NOS1: variants seen among roughly 807,000 people sequenced by gnomAD.
NOS1 encodes nitric oxide synthase 1.
A neutral mutation model predicts 164.5 loss-of-function variants in NOS1; 51 were observed. The observed-to-expected ratio is 0.31, with a 90% CI of 0.25 to 0.39. The LOEUF is 0.39. NOS1 is among the 10% of genes least tolerant of loss of function. The pLI, the probability that NOS1 is intolerant of heterozygous loss-of-function variation, is 1.00. For synonymous variants in NOS1, 719 were observed against 745.8 expected, an observed-to-expected ratio of 0.96 and a Z score of 0.59; for missense variants, 1,362 against 1,885.6, an observed-to-expected ratio of 0.72 and a Z score of 5.14.
chr12:117,260,991 A>T (rs1871856424), intron 13 of NOS1, among the ~76,000 whole-genome samples: 1 of 151,550 alleles, frequency 6.6e-6, no homozygotes, highest in Non-Finnish European at 1.5e-5. Context: ...AACAAGGTGA[A>T]ACTCCGTCTC....
intron 1 of NOS1, among the ~76,000 whole-genome samples, chr12:117,340,654 T>C (rs1455764800): frequency 6.6e-6 from 1 of 152,066 alleles, no homozygotes; most frequent in Non-Finnish European, 1.5e-5. Flanking sequence ...CTCAGCCTCC[T>C]GAGTAGCTGG....
In NOS1 at chr12:117,214,196, A is replaced by G. The variant is rs1956569561; in HGVS notation, c.*1113T>C. ...GAAGCAGCAAGCCCGCTTTGGGGGA[A>G]TAAAAAAATAATAATCATATTGTTA... is the stretch of plus-strand genomic sequence containing the variant. On this transcript the variant is annotated 3_prime_UTR_variant, in exon 29 of 29. Transcript: ENST00000317775. 5.1e-6 allele frequency: 5 copies of G among 985,286 alleles called. No homozygotes were observed. In the South Asian group the frequency reaches 1.9e-4, roughly 37 times the overall value. The allele number at this position is 985,286 out of a possible 1,614,324, so 61.0% of individuals were successfully genotyped here. A position where few individuals can be genotyped will look rare whatever the true frequency, so the allele number is the denominator to read the frequency against.
At chr12:117,347,516 AT>A (rs1438156477) in intron 1 of NOS1, among the ~76,000 whole-genome samples, 1 of 152,028 alleles carries the variant, frequency 6.6e-6, no homozygotes, top group African/African-American at 2.4e-5. Flanking sequence ...CCCGTCATTC[AT>A]TTGTTTCTTG....
At chr12:117,340,873 AT>A (rs56322341) in intron 1 of NOS1, among the ~76,000 whole-genome samples, 3,495 of 104,352 alleles carry the variant, frequency 0.033, 58 homozygotes, top group African/African-American at 0.11. Flanking sequence ...ACACCTGGCT[AT>A]TTTTTTTTTT....
chr12:117,277,428 C>T (rs4766841), intron 9 of NOS1, among the ~76,000 whole-genome samples: 125,529 of 151,314 alleles, frequency 0.83, 52,164 homozygotes, highest in African/African-American at 0.89. Context: ...CTACTAAAAA[C>T]ACAAAAATTG....
At chr12:117,348,190 T>G (rs1190491455) in intron 1 of NOS1, 1 of 151,892 alleles carries the variant, frequency 6.6e-6, no homozygotes, top group Non-Finnish European at 1.5e-5. Flanking sequence ...GCTCTGCAAA[T>G]AACCCCTGAA....
intron 1 of NOS1, among the ~76,000 whole-genome samples, chr12:117,360,916 T>G (rs938014929): frequency 2.0e-5 from 3 of 151,920 alleles, no homozygotes; most frequent in Admixed American, 2.0e-4. Context: ...GAGGAACGAC[T>G]AGGGTCTTGC....
intron 9 of NOS1, among the ~76,000 whole-genome samples, chr12:117,273,253 T>C (rs1302562635): frequency 6.6e-6 from 1 of 152,170 alleles, no homozygotes; most frequent in Admixed American, 6.5e-5. Flanking sequence ...GGGGCAGGGA[T>C]TGAGTCAGCT....
At chr12:117,297,894 C>G (rs1457628418) in intron 3 of NOS1, among the ~76,000 whole-genome samples, 1 of 152,026 alleles carries the variant, frequency 6.6e-6, no homozygotes, top group Non-Finnish European at 1.5e-5. Flanking sequence ...GACAACTACA[C>G]CAGGGGAGGC....
At chr12:117,342,361 G>A (rs536588138) in intron 1 of NOS1, among the ~76,000 whole-genome samples, 100 of 152,204 alleles carry the variant, frequency 6.6e-4, no homozygotes, top group Non-Finnish European at 1.2e-3. Flanking sequence ...GAACAAAAGC[G>A]AAAATACAGG....
rs1371168048 is a variant in NOS1, at chr12:117,286,284, G to C, written c.1128-18C>G. The C allele has an allele frequency of 2.5e-6, 4 of 1,613,350 alleles. No homozygotes were observed. The highest frequency in any genetic ancestry group is 2.2e-5 in the East Asian group (1 of 44,876). On this transcript the variant is annotated intron_variant, in intron 5 of 28. Transcript: ENST00000317775. ...AGCCAAATCTGAGTGAAGAGGAAGG[G>C]ACATGGGAACATCACCCCCTCTTCT... is the stretch of plus-strand genomic sequence containing the variant.
At position 117,243,573 on chromosome 12, in the gene NOS1, C is replaced by CCATT. The variant is rs942839330; in HGVS notation, c.2824-139_2824-138insAATG. ...ACCATCCATCCATCCATCCATCCAT[C>CCATT]CATCCATCCATCCATCCAGTAACCC... On this transcript the variant is annotated intron_variant, in intron 18 of 28. Coordinates refer to ENST00000317775, the MANE Select transcript of NOS1 (RefSeq NM_000620.5). The surrounding 1 kb of genome is among the most constrained non-coding windows in gnomAD (Gnocchi z 4.3). 23 of 845,584 alleles carry CCATT rather than the reference C, an allele frequency of 2.7e-5. No homozygotes were observed. The African/African-American group carries it at 3.7e-4, about 14-fold the overall frequency. 52.4% of individuals were successfully genotyped at this position (845,584 alleles called of 1,614,324 possible).
At chr12:117,277,057 C>T (rs1873244726) in intron 9 of NOS1, among the ~76,000 whole-genome samples, 1 of 152,068 alleles carries the variant, frequency 6.6e-6, no homozygotes, top group Non-Finnish European at 1.5e-5. Flanking sequence ...TTGAGGATCT[C>T]CAAACTCTTC....
At chr12:117,252,163 T>C (rs909073926) in intron 17 of NOS1, among the ~76,000 whole-genome samples, 3 of 152,222 alleles carry the variant, frequency 2.0e-5, no homozygotes, top group African/African-American at 7.2e-5. Flanking sequence ...ACATTCTCAA[T>C]TGATAAAATT....
chr12:117,319,802 A>C (rs1420620679), intron 2 of NOS1, among the ~76,000 whole-genome samples: 1 of 152,152 alleles, frequency 6.6e-6, no homozygotes, highest in Non-Finnish European at 1.5e-5. Context: ...TGTTCCAGAG[A>C]GGTGGAATGG....
intron 10 of NOS1, among the ~76,000 whole-genome samples, chr12:117,269,163 C>T (rs1385226372): frequency 6.6e-6 from 1 of 152,002 alleles, no homozygotes; most frequent in Non-Finnish European, 1.5e-5. Context: ...AGGGAAGGCC[C>T]ACTGTGGAGA....
intron 11 of NOS1, among the ~76,000 whole-genome samples, chr12:117,265,879 C>T (rs1592967381): frequency 6.6e-6 from 1 of 151,992 alleles, no homozygotes; most frequent in East Asian, 1.9e-4. Context: ...CAAGCTCTGC[C>T]TCCCGGGTTC....
At chr12:117,308,178 G>A (rs187587225) in intron 3 of NOS1, among the ~76,000 whole-genome samples, 1 of 151,952 alleles carries the variant, frequency 6.6e-6, no homozygotes, top group East Asian at 1.9e-4. Flanking sequence ...CTGTCTAGAG[G>A]GGGCAGCTGC....
intron 21 of NOS1, among the ~76,000 whole-genome samples, chr12:117,233,808 C>CAA (rs374050465): frequency 0.013 from 697 of 55,018 alleles, 9 homozygotes; most frequent in African/African-American, 0.033. Flanking sequence ...AAGTCTGTCT[C>CAA]AAAAAAAAAA....
Sources: allele counts gnomAD v4.1 joint callset (sites outside exome capture counted in the v4.1 genomes callset), GRCh38; gene constraint gnomAD v4.1.1; non-coding constraint Gnocchi (gnomAD v3.1); transcripts MANE v1.5; gene names NCBI Gene and HGNC (gene_info 2026-07-23, HGNC 2026-07-21).